The following RBFOX1 variants were observed in gnomAD, a reference collection of about 807,000 sequenced individuals.
RBFOX1 encodes the protein RNA binding protein fox-1 homolog 1.
A neutral mutation model predicts 57.7 loss-of-function variants in RBFOX1; 8 were observed. The ratio of observed to expected loss-of-function variants is 0.14; its 90% CI spans 0.08 to 0.25. RBFOX1 has a LOEUF of 0.25. RBFOX1 is among the 10% of genes least tolerant of loss of function. RBFOX1 has a pLI of 1.00. For synonymous variants in RBFOX1, 326 were observed against 222.4 expected, an observed-to-expected ratio of 1.47 and a Z score of -4.15; for missense variants, 611 against 548.5, an observed-to-expected ratio of 1.11 and a Z score of -1.14.
At chr16:6,193,262 G>T (rs934920187) in intron 1 of RBFOX1, among the ~76,000 whole-genome samples, 11 of 150,742 alleles carry the variant, frequency 7.3e-5, no homozygotes, top group African/African-American at 2.2e-4. Flanking sequence ...ACTGAGGAGA[G>T]ACATGCATGG....
intron 4 of RBFOX1, among the ~76,000 whole-genome samples, chr16:7,216,217 A>C (rs1416300834): frequency 6.6e-6 from 1 of 152,140 alleles, no homozygotes; most frequent in African/African-American, 2.4e-5. Context: ...CTTATTGGCT[A>C]TTGTGAATCA....
chr16:6,529,199 G>GT (rs1368497300), intron 2 of RBFOX1, among the ~76,000 whole-genome samples: 2 of 152,082 alleles, frequency 1.3e-5, no homozygotes, highest in Non-Finnish European at 2.9e-5. Flanking sequence ...AAAGAGGGTT[G>GT]TTTTTATTGT....
chr16:7,360,605 C>A (rs1016071329), intron 4 of RBFOX1, among the ~76,000 whole-genome samples: 1 of 152,144 alleles, frequency 6.6e-6, no homozygotes, highest in African/African-American at 2.4e-5. Flanking sequence ...TTCCTGTAGG[C>A]CACAACAAAG....
chr16:6,077,021 G>C (rs1186377805), intron 1 of RBFOX1, among the ~76,000 whole-genome samples: 1 of 152,168 alleles, frequency 6.6e-6, no homozygotes, highest in African/African-American at 2.4e-5. Flanking sequence ...CTGCTTGAGA[G>C]TGCAGATGAA....
At chr16:6,222,776 G>A (rs1567712524) in intron 1 of RBFOX1, among the ~76,000 whole-genome samples, 1 of 151,296 alleles carries the variant, frequency 6.6e-6, no homozygotes, top group Non-Finnish European at 1.5e-5. Flanking sequence ...ATGTATACAT[G>A]TGCCATGGTG....
At chr16:7,162,466 A>G (rs1255830037) in intron 4 of RBFOX1, among the ~76,000 whole-genome samples, 1 of 151,690 alleles carries the variant, frequency 6.6e-6, no homozygotes, top group African/African-American at 2.4e-5. Context: ...GCAGTAACTC[A>G]CGCCTGTAAC....
At chr16:6,031,241 C>T (rs1164606286) in intron 1 of RBFOX1, among the ~76,000 whole-genome samples, 1 of 152,076 alleles carries the variant, frequency 6.6e-6, no homozygotes, top group African/African-American at 2.4e-5. Context: ...GCAGAGGTGG[C>T]AGTGTGTTCA....
intron 1 of RBFOX1, among the ~76,000 whole-genome samples, chr16:5,274,753 C>T (rs1378458924): frequency 6.6e-6 from 1 of 152,210 alleles, no homozygotes; most frequent in Non-Finnish European, 1.5e-5. Flanking sequence ...GCATAGGCAC[C>T]AGGCTTTTTT....
intron 4 of RBFOX1, among the ~76,000 whole-genome samples, chr16:5,943,659 A>C (rs930933310): frequency 9.8e-5 from 15 of 152,322 alleles, no homozygotes; most frequent in African/African-American, 3.6e-4. Flanking sequence ...GGAGCTAATG[A>C]GGTATCCCCA....
intron 4 of RBFOX1, among the ~76,000 whole-genome samples, chr16:7,488,164 C>A (rs533299972): frequency 6.6e-6 from 1 of 152,252 alleles, no homozygotes; most frequent in African/African-American, 2.4e-5. Flanking sequence ...GATTGATGAG[C>A]TGGTCCTGCT....
At chr16:5,432,559 G>GTTTTTTTTTTTTTTTTTTTTTTTTGTT (rs35344614) in intron 1 of RBFOX1, among the ~76,000 whole-genome samples, 1 of 94,224 alleles carries the variant, frequency 1.1e-5, no homozygotes, top group Non-Finnish European at 2.0e-5. Context: ...TTGTTTGTTT[G>GTTTTTTTTTTTTTTTTTTTTTTTTGTT]TTTTTTTTTT....
chr16:6,549,831 C>T (rs568650791), intron 2 of RBFOX1, among the ~76,000 whole-genome samples: 1 of 151,998 alleles, frequency 6.6e-6, no homozygotes, highest in African/African-American at 2.4e-5. Context: ...TTAGGTCGAT[C>T]CTAAAACAAA....
intron 1 of RBFOX1, among the ~76,000 whole-genome samples, chr16:5,281,456 C>T (rs1043085678): frequency 6.6e-6 from 1 of 152,130 alleles, no homozygotes; most frequent in African/African-American, 2.4e-5. Flanking sequence ...GTCTAAAGTG[C>T]AGCTTAAATC....
chr16:6,846,705 C>T (rs148674243), intron 3 of RBFOX1, among the ~76,000 whole-genome samples: 220 of 152,240 alleles, frequency 1.4e-3, no homozygotes, highest in African/African-American at 4.3e-3. Flanking sequence ...CGCCAGTATC[C>T]GGGAGAATAA....
chr16:6,094,636 C>A (rs369534136), intron 1 of RBFOX1, among the ~76,000 whole-genome samples: 12 of 152,244 alleles, frequency 7.9e-5, no homozygotes, highest in African/African-American at 2.9e-4. Flanking sequence ...GTTTTTATTC[C>A]AAGTTCTCCA....
intron 12 of RBFOX1, among the ~76,000 whole-genome samples, chr16:7,657,571 C>T (rs147171026): frequency 1.9e-3 from 285 of 152,364 alleles, no homozygotes; most frequent in African/African-American, 6.4e-3. Flanking sequence ...TCCCAAAGTG[C>T]TGGGATTATA....
At chr16:7,469,876 C>T (rs1175648296) in intron 4 of RBFOX1, among the ~76,000 whole-genome samples, 3 of 152,178 alleles carry the variant, frequency 2.0e-5, no homozygotes, top group African/African-American at 7.2e-5. Context: ...TTTCTACTTT[C>T]TGTCTCTCTG....
intron 4 of RBFOX1, among the ~76,000 whole-genome samples, chr16:7,067,188 G>C (rs1383281983): frequency 1.1e-4 from 17 of 152,082 alleles, no homozygotes; most frequent in Non-Finnish European, 5.9e-5. Context: ...AAACCCAGAG[G>C]GTGATCTTGA....
intron 3 of RBFOX1, among the ~76,000 whole-genome samples, chr16:6,832,393 T>C (rs930615698): frequency 2.6e-5 from 4 of 152,178 alleles, no homozygotes; most frequent in African/African-American, 4.8e-5. Flanking sequence ...TTCCCCAGAT[T>C]GCTACTTAAT....
Sources: gnomAD v4.1 joint callset for allele counts (sites outside exome capture counted in the v4.1 genomes callset) on GRCh38, gnomAD v4.1.1 for gene constraint, MANE v1.5 for transcripts, NCBI Gene and HGNC (gene_info 2026-07-23, HGNC 2026-07-21) for gene names.